Variants in SPATA22 observed in about 807,000 individuals in gnomAD.
SPATA22 encodes spermatogenesis associated 22, also known as spermatogenesis-associated protein 22.
SPATA22 carries 29 observed loss-of-function variants against 47.8 expected under a neutral mutation model. The ratio of observed to expected loss-of-function variants is 0.61; its 90% CI spans 0.45 to 0.83. The LOEUF is 0.83. SPATA22 is among the 40% of genes least tolerant of loss of function. The pLI is 0.00. For synonymous variants in SPATA22, 133 were observed against 140.9 expected, an observed-to-expected ratio of 0.94 and a Z score of 0.40; for missense variants, 410 against 421.7, an observed-to-expected ratio of 0.97 and a Z score of 0.24.
At chr17:3,472,680 A>G (rs559651267), upstream of SPATA22, among the ~76,000 whole-genome samples, 2 of 152,328 alleles carry the variant, frequency 1.3e-5, no homozygotes, top group South Asian at 4.1e-4. Flanking sequence ...TTCAAAGCCC[A>G]TGTTTTGTTG....
intron 3 of SPATA22, among the ~76,000 whole-genome samples, chr17:3,464,847 G>A (rs1268675577): frequency 1.5e-5 from 2 of 134,664 alleles, no homozygotes; most frequent in East Asian, 4.3e-4. Flanking sequence ...TGGGAAGTGA[G>A]GAGCGTCTCC....
intron 3 of SPATA22, among the ~76,000 whole-genome samples, chr17:3,466,073 T>C (rs1017060375): frequency 2.6e-5 from 4 of 151,802 alleles, no homozygotes; most frequent in African/African-American, 9.7e-5. Context: ...ATTGGAAATA[T>C]ATGAACTTCA....
intron 1 of SPATA22, chr17:3,499,034 A>G: frequency 6.2e-7 from 1 of 1,614,218 alleles, no homozygotes; most frequent in Non-Finnish European, 8.5e-7. Context: ...AAGCTTTTGC[A>G]AAGACAACTA....
At chr17:3,493,342 C>A (rs1240128199) in intron 1 of SPATA22, among the ~76,000 whole-genome samples, 3 of 152,066 alleles carry the variant, frequency 2.0e-5, no homozygotes, top group Non-Finnish European at 2.9e-5. Flanking sequence ...GCGGGCGGAT[C>A]ACAAGGTCAA....
intron 1 of SPATA22, among the ~76,000 whole-genome samples, chr17:3,506,213 G>A (rs984518262): frequency 2.6e-5 from 4 of 152,162 alleles, no homozygotes; most frequent in African/African-American, 4.8e-5. Context: ...CTACCAAGCC[G>A]ATGACTGAGA....
At chr17:3,494,588 T>C in intron 1 of SPATA22, 1 of 797,080 alleles carries the variant, frequency 1.3e-6, no homozygotes, top group Non-Finnish European at 2.1e-6. Context: ...TGAGTGTAGA[T>C]AGGGAAGATG....
chr17:3,495,676 C>T (rs2073897118), intron 1 of SPATA22, among the ~76,000 whole-genome samples: 1 of 152,222 alleles, frequency 6.6e-6, no homozygotes, highest in Non-Finnish European at 1.5e-5. Flanking sequence ...TCAAGCAATT[C>T]TCCTGCCTCA....
intron 1 of SPATA22, among the ~76,000 whole-genome samples, chr17:3,509,402 G>T (rs182717807): frequency 6.6e-6 from 1 of 152,096 alleles, no homozygotes; most frequent in Non-Finnish European, 1.5e-5. Flanking sequence ...ACTTATGAGT[G>T]AGAACATGTG....
chr17:3,491,714 C>G (rs556473764), intron 1 of SPATA22, among the ~76,000 whole-genome samples: 3 of 151,886 alleles, frequency 2.0e-5, no homozygotes, highest in Non-Finnish European at 4.4e-5. Flanking sequence ...TGCCACTGCA[C>G]TCCAGCCTCG....
chr17:3,503,781 A>C (rs2074016782), intron 1 of SPATA22, among the ~76,000 whole-genome samples: 1 of 152,160 alleles, frequency 6.6e-6, no homozygotes, highest in Admixed American at 6.5e-5. Context: ...ATTTCTAACA[A>C]TCTACATTTG....
At chr17:3,468,509 G>T (rs1213475019) in intron 2 of SPATA22, among the ~76,000 whole-genome samples, 1 of 152,204 alleles carries the variant, frequency 6.6e-6, no homozygotes, top group Non-Finnish European at 1.5e-5. Context: ...GACCGCCTAG[G>T]TCTTGAATTA....
intron 8 of SPATA22, 78 bp downstream of exon 8, chr17:3,443,096 T>C: frequency 1.0e-6 from 1 of 980,028 alleles, no homozygotes; most frequent in South Asian, 1.6e-5. Context: ...ACAGAATTTA[T>C]ATTTCAACTG....
At chr17:3,443,138 C>T (rs1328914780) in intron 8 of SPATA22, 36 bp downstream of exon 8, 30 of 1,405,032 alleles carry the variant, frequency 2.1e-5, no homozygotes, top group Non-Finnish European at 3.0e-5. Flanking sequence ...ATTCTGTTGA[C>T]ATAGGCTTCG....
intron 1 of SPATA22, chr17:3,494,267 G>T: frequency 9.4e-7 from 1 of 1,068,670 alleles, no homozygotes; most frequent in Non-Finnish European, 1.4e-6. Context: ...GCCTCCCAAA[G>T]TGCTGGGATG....
At chr17:3,508,954 T>C (rs1341586502) in intron 1 of SPATA22, among the ~76,000 whole-genome samples, 1 of 150,522 alleles carries the variant, frequency 6.6e-6, no homozygotes, top group African/African-American at 2.4e-5. Flanking sequence ...CTGCCATCCT[T>C]ATGAAATCAC....
intron 1 of SPATA22, among the ~76,000 whole-genome samples, chr17:3,494,096 G>T (rs2073870839): frequency 6.6e-6 from 1 of 150,674 alleles, no homozygotes; most frequent in Non-Finnish European, 1.5e-5. Context: ...GAGTGCAATG[G>T]CTTACTGCAA....
At chr17:3,505,815 T>C (rs2074036155) in intron 1 of SPATA22, among the ~76,000 whole-genome samples, 1 of 150,208 alleles carries the variant, frequency 6.7e-6, no homozygotes, top group Non-Finnish European at 1.5e-5. Context: ...TGCAGTACAG[T>C]GGCATGATCT....
At position 3,488,410 on chromosome 17, in the gene SPATA22, A is replaced by G. The variant is rs1467678638; in HGVS notation, c.-73-19012T>C. Among the ~76,000 whole-genome samples the G allele has an allele frequency of 6.6e-6, 1 of 152,182 alleles. No homozygotes were observed. Among genetic ancestry groups the G allele is most frequent in the African/African-American group, 2.4e-5 (1 of 41,454 alleles). On this transcript the variant is annotated intron_variant, in intron 1 of 8. Coordinates refer to the SPATA22 transcript ENST00000541913. This position sits in a 1 kb window ranked among gnomAD's most constrained non-coding sequence, Gnocchi z 6.1. ...GACGGCTCACGCCTGTAATCCCAGC[A>G]TTTGGGGAAGCCGAGAAGGGCAGAT...
Position 3,471,767 on chromosome 17 carries a change from C to T in SPATA22, c.-159G>A, listed in dbSNP as rs2073442939. 2.0e-6 allele frequency: 2 copies of T among 985,678 alleles called. No homozygotes were observed. Among genetic ancestry groups the T allele is most frequent in the East Asian group, 1.1e-4 (1 of 8,804 alleles). 61.1% of individuals were successfully genotyped at this position (985,678 alleles called of 1,614,324 possible). A position where few individuals can be genotyped will look rare whatever the true frequency, so the allele number is the denominator to read the frequency against. On this transcript the variant is annotated 5_prime_UTR_variant, in exon 1 of 9. Transcript: ENST00000572969. ...TCGCCTCCGTCAACCGTCGTCCAGG[C>T]GGCCCCGTCAGCAACCGCCGCCCTT...
Sources: gnomAD v4.1 joint callset for allele counts (sites outside exome capture counted in the v4.1 genomes callset) on GRCh38, gnomAD v4.1.1 for gene constraint, Gnocchi (gnomAD v3.1) non-coding constraint, MANE v1.5 for transcripts, NCBI Gene and HGNC (gene_info 2026-07-23, HGNC 2026-07-21) for gene names.